The following COA1 variants were observed in gnomAD, a reference collection of about 807,000 sequenced individuals.
The protein encoded by COA1 is cytochrome c oxidase assembly factor 1 homolog.
In COA1, 13 loss-of-function variants were observed where a neutral mutation model predicts 16.0. The ratio of observed to expected loss-of-function variants is 0.81; its 90% CI spans 0.53 to 1.29. COA1 has a LOEUF of 1.29. Among genes scored for constraint, COA1 ranks in the 50% most tolerant of loss-of-function variants. The pLI is 0.00. For synonymous variants in COA1, 65 were observed against 65.7 expected, an observed-to-expected ratio of 0.99 and a Z score of 0.05; for missense variants, 179 against 177.0, an observed-to-expected ratio of 1.01 and a Z score of -0.06.
chr7:43,684,421 A>C (rs1217616525), intron 1 of COA1, among the ~76,000 whole-genome samples: 2 of 152,182 alleles, frequency 1.3e-5, no homozygotes, highest in Non-Finnish European at 2.9e-5. Context: ...GCAGCTTCAG[A>C]ATAGCCAAGC....
At chr7:43,622,302 TAGG>T (rs2083980124) in intron 6 of COA1, 1 of 152,240 alleles carries the variant, frequency 6.6e-6, no homozygotes, top group Non-Finnish European at 1.5e-5. Context: ...AATCAAAATT[TAGG>T]AGATTAGCAT....
At chr7:43,680,581 A>T (rs2093723251) in intron 1 of COA1, among the ~76,000 whole-genome samples, 1 of 152,188 alleles carries the variant, frequency 6.6e-6, no homozygotes, top group Non-Finnish European at 1.5e-5. Flanking sequence ...TCCAAAAATT[A>T]TAAATGCTAC....
At chr7:43,690,749 C>A (rs998770716) in intron 1 of COA1, among the ~76,000 whole-genome samples, 1 of 151,954 alleles carries the variant, frequency 6.6e-6, no homozygotes, top group Non-Finnish European at 1.5e-5. Flanking sequence ...CAGAGATTGT[C>A]CTAATGAATA....
At chr7:43,695,762 G>A (rs2094506577) in intron 1 of COA1, among the ~76,000 whole-genome samples, 1 of 150,768 alleles carries the variant, frequency 6.6e-6, no homozygotes, top group African/African-American at 2.4e-5. Flanking sequence ...TGCTGGGAAT[G>A]TAAATTAATC....
At chr7:43,664,310 T>C (rs1211157428) in intron 1 of COA1, among the ~76,000 whole-genome samples, 1 of 152,164 alleles carries the variant, frequency 6.6e-6, no homozygotes, top group Non-Finnish European at 1.5e-5. Context: ...TATGGCTTAT[T>C]TCACTTCGCA....
At chr7:43,657,903 G>C (rs2091952474) in intron 1 of COA1, among the ~76,000 whole-genome samples, 1 of 152,038 alleles carries the variant, frequency 6.6e-6, no homozygotes, top group Non-Finnish European at 1.5e-5. Flanking sequence ...GCATATGAAA[G>C]GTGCTCAACA....
intron 1 of COA1, among the ~76,000 whole-genome samples, chr7:43,718,180 G>A (rs2095433105): frequency 6.6e-6 from 1 of 152,136 alleles, no homozygotes; most frequent in Non-Finnish European, 1.5e-5. Flanking sequence ...ATATGAAGTG[G>A]ACTATGCATA....
chr7:43,621,787 C>T (rs2153014046), intron 6 of COA1, among the ~76,000 whole-genome samples: 1 of 152,104 alleles, frequency 6.6e-6, no homozygotes, highest in African/African-American at 2.4e-5. Flanking sequence ...CAAGCTCAAT[C>T]CAAAAAGAAA....
chr7:43,689,344 G>A (rs1378949962), intron 1 of COA1, among the ~76,000 whole-genome samples: 1 of 152,188 alleles, frequency 6.6e-6, no homozygotes, highest in African/African-American at 2.4e-5. Flanking sequence ...GGCAGAGACT[G>A]ACTGTAATCT....
At chr7:43,647,328 C>T (rs2089624727) in intron 3 of COA1, 1 of 596,846 alleles carries the variant, frequency 1.7e-6, no homozygotes. Flanking sequence ...TAGTCCTGGT[C>T]CTTTTATTTG....
At chr7:43,619,775 AG>A in intron 6 of COA1, 1 of 1,595,254 alleles carries the variant, frequency 6.3e-7, no homozygotes, top group Non-Finnish European at 8.5e-7. Flanking sequence ...CACCTTCATT[AG>A]GGGACTTGTC....
chr7:43,654,963 C>T (rs539710033), intron 1 of COA1, among the ~76,000 whole-genome samples: 1 of 152,254 alleles, frequency 6.6e-6, no homozygotes, highest in African/African-American at 2.4e-5. Context: ...TTGGAACAAA[C>T]TCAAGATATT....
chr7:43,656,293 T>G (rs1238009534), intron 1 of COA1: 1 of 152,252 alleles, frequency 6.6e-6, no homozygotes, highest in Non-Finnish European at 1.5e-5. Context: ...CTTTCAGATA[T>G]GTTACTTTTA....
At chr7:43,633,372 A>C (rs1033826750) in intron 6 of COA1, 1 of 152,212 alleles carries the variant, frequency 6.6e-6, no homozygotes, top group Admixed American at 6.5e-5. Flanking sequence ...TAATTGGCCC[A>C]ATTTCAATAC....
chr7:43,669,669 G>A (rs1465849947), intron 1 of COA1, among the ~76,000 whole-genome samples: 4 of 151,746 alleles, frequency 2.6e-5, no homozygotes, highest in Admixed American at 6.6e-5. Flanking sequence ...CTCTTTGTTC[G>A]AATCGCCCCC....
At chr7:43,632,572 A>G (rs1237902871) in intron 6 of COA1, 1 of 152,244 alleles carries the variant, frequency 6.6e-6, no homozygotes, top group Non-Finnish European at 1.5e-5. Flanking sequence ...ACAAGTTTTG[A>G]AAGTCAAAAG....
chr7:43,654,149 T>C (rs1167189156), intron 1 of COA1, among the ~76,000 whole-genome samples: 2 of 151,916 alleles, frequency 1.3e-5, no homozygotes, highest in African/African-American at 4.8e-5. Context: ...CCTTCACCTC[T>C]CTCCACACCC....
At chr7:43,648,712 C>T in intron 1 of COA1, 60 bp from the exon 2 acceptor site, 1 of 1,227,286 alleles carries the variant, frequency 8.1e-7, no homozygotes, top group Non-Finnish European at 1.2e-6. Context: ...TCTCTCTAGT[C>T]TCATACAGCC....
At chr7:43,707,517 A>G (rs1224153765) in intron 1 of COA1, among the ~76,000 whole-genome samples, 1 of 152,116 alleles carries the variant, frequency 6.6e-6, no homozygotes, top group East Asian at 1.9e-4. Flanking sequence ...ACTTCTTTCC[A>G]ATCATTAACC....
Sources: gnomAD v4.1 joint callset for allele counts (sites outside exome capture counted in the v4.1 genomes callset) on GRCh38, gnomAD v4.1.1 for gene constraint, MANE v1.5 for transcripts, NCBI Gene and HGNC (gene_info 2026-07-23, HGNC 2026-07-21) for gene names.